The following SOX6 variants were observed in gnomAD, a reference collection of about 807,000 sequenced individuals.
SOX6 encodes transcription factor SOX-6.
Under a neutral mutation model 97.8 loss-of-function variants are expected in SOX6, and 11 were observed. The observed-to-expected ratio is 0.11, with a 90% CI of 0.07 to 0.19. The LOEUF (loss-of-function observed/expected upper bound fraction) is 0.19. Among genes scored for constraint, SOX6 ranks in the 10% least tolerant of loss-of-function variants. The probability of loss-of-function intolerance (pLI) is 1.00; values close to 1 mark genes in which losing one functional copy is unlikely to be tolerated. For synonymous variants in SOX6, 360 were observed against 371.4 expected (o/e 0.97, Z 0.35); for missense variants, 810 against 1,039.5 (o/e 0.78, Z 3.04).
chr11:16,224,869 C>T (rs2134162339), intron 4 of SOX6, among the ~76,000 whole-genome samples: 1 of 152,012 alleles, frequency 6.6e-6, no homozygotes, highest in South Asian at 2.1e-4. Context: ...TGATTTAGAG[C>T]AGTGACTTTT....
intron 6 of SOX6, among the ~76,000 whole-genome samples, chr11:16,155,320 C>G (rs1850569686): frequency 6.6e-6 from 1 of 152,092 alleles, no homozygotes; most frequent in Non-Finnish European, 1.5e-5. Context: ...TGACCTTGGA[C>G]AAATTATTTA....
At chr11:16,251,137 C>T (rs1217561048) in intron 3 of SOX6, among the ~76,000 whole-genome samples, 3 of 152,028 alleles carry the variant, frequency 2.0e-5, no homozygotes, top group East Asian at 1.9e-4. Context: ...TTTATGTCTG[C>T]TAATGCAGTT....
In SOX6 at chr11:16,605,549, A is replaced by G. The variant is rs1848324740; in HGVS notation, n.609+6532T>C. ...CGGTGTCCCGAAAAAGTTGCGGCGGAGCGGCGGTGGGGTGAGGGTGGGAGG... is the reference window on the plus strand; with the variant it reads ...CGGTGTCCCGAAAAAGTTGCGGCGGGGCGGCGGTGGGGTGAGGGTGGGAGG... On this transcript the variant is annotated intron_variant and non_coding_transcript_variant, in intron 4 of 5. Coordinates refer to the SOX6 transcript ENST00000524520. The surrounding 1 kb of genome is among the most constrained non-coding windows in gnomAD (Gnocchi z 5.3). Among the ~76,000 whole-genome samples, 3 of 151,892 alleles carry G rather than the reference A, an allele frequency of 2.0e-5. No homozygotes were observed. Among genetic ancestry groups the G allele is most frequent in the Admixed American group, 2.0e-4 (3 of 15,292 alleles).
At chr11:16,261,959 A>G (rs887025426) in intron 3 of SOX6, among the ~76,000 whole-genome samples, 1 of 152,068 alleles carries the variant, frequency 6.6e-6, no homozygotes, top group African/African-American at 2.4e-5. Flanking sequence ...AGAAAAAATG[A>G]AAACAAATTA....
rs549135905 is a variant in SOX6 at position 16,387,859 on chromosome 11, A to T, written c.-4-46607T>A. Among the ~76,000 whole-genome samples, 139 of 152,268 alleles carry T rather than the reference A, an allele frequency of 9.1e-4. 1 individual carries two copies. The highest frequency in any genetic ancestry group is 1.6e-3 in the Admixed American group (25 of 15,300). ...ACTTAATATATTAAAATACAAAAGA[A>T]ATCATCCTTGTATCACATGACTTTG... On this transcript the variant is annotated intron_variant, in intron 1 of 15. Coordinates refer to the SOX6 transcript ENST00000396356.
chr11:16,649,039 C>G (rs1849054110), intron 3 of SOX6, among the ~76,000 whole-genome samples: 1 of 151,652 alleles, frequency 6.6e-6, no homozygotes. Flanking sequence ...AAAGACAAGA[C>G]TTTTGAATTA....
intron 4 of SOX6, among the ~76,000 whole-genome samples, chr11:16,540,540 T>C (rs1364796222): frequency 5.3e-5 from 8 of 152,224 alleles, no homozygotes; most frequent in Non-Finnish European, 8.8e-5. Flanking sequence ...TGTCTCCGTT[T>C]GCACATAACA....
intron 10 of SOX6, among the ~76,000 whole-genome samples, chr11:16,051,172 C>G (rs1183766969): frequency 6.6e-6 from 1 of 152,008 alleles, no homozygotes; most frequent in African/African-American, 2.4e-5. Context: ...AAAATAAAAA[C>G]AGCATGCGCA....
intron 6 of SOX6, among the ~76,000 whole-genome samples, chr11:16,139,164 A>C (rs1850060314): frequency 6.6e-6 from 1 of 152,170 alleles, no homozygotes; most frequent in Admixed American, 6.5e-5. Context: ...TGAGTAATAT[A>C]GTATCTACCA....
intron 9 of SOX6, among the ~76,000 whole-genome samples, chr11:16,060,452 G>C (rs1381533593): frequency 2.6e-5 from 4 of 151,864 alleles, no homozygotes; most frequent in Non-Finnish European, 5.9e-5. Flanking sequence ...AGGATATCAG[G>C]TAAGATTTAG....
intron 4 of SOX6, among the ~76,000 whole-genome samples, chr11:16,563,945 G>A (rs1365427599): frequency 6.6e-6 from 1 of 152,124 alleles, no homozygotes; most frequent in Non-Finnish European, 1.5e-5. Flanking sequence ...AGAAAGAAGT[G>A]GCACAATATT....
At chr11:16,247,988 C>G (rs193302786) in intron 3 of SOX6, among the ~76,000 whole-genome samples, 1 of 152,180 alleles carries the variant, frequency 6.6e-6, no homozygotes, top group African/African-American at 2.4e-5. Context: ...GGGGTACAGA[C>G]ATTGGGTAAA....
intron 4 of SOX6, among the ~76,000 whole-genome samples, chr11:16,487,758 A>G (rs1271722352): frequency 6.6e-6 from 1 of 152,192 alleles, no homozygotes; most frequent in East Asian, 1.9e-4. Flanking sequence ...AAAGATGGTC[A>G]ATTTTAATCC....
intron 1 of SOX6, among the ~76,000 whole-genome samples, chr11:16,403,506 T>C (rs554974765): frequency 1.3e-5 from 2 of 151,842 alleles, no homozygotes; most frequent in African/African-American, 2.4e-5. Flanking sequence ...TTTATTGAAA[T>C]CCTTAGAAGC....
intron 3 of SOX6, among the ~76,000 whole-genome samples, chr11:16,652,507 T>G (rs1419914624): frequency 1.3e-5 from 2 of 151,946 alleles, no homozygotes; most frequent in Admixed American, 6.6e-5. Context: ...AAACATAAAG[T>G]GAGCAAAGGA....
In SOX6 at chr11:16,341,128, G is replaced by A. The variant is rs753386017; in HGVS notation, c.121C>T (p.Leu41=). The change falls in exon 2 of 16, where the codon CTG becomes TTG. Residue 41 remains leucine (L), a synonymous_variant. Coordinates refer to ENST00000683767, the MANE Select transcript of SOX6 (RefSeq NM_001367873.1). Reference sequence around the variant, plus strand: ...TTGTGCATTATGGGGTGCAGAGGCAGATGGGAGGCCACATGTTGATCACTG... The same window carrying A: ...TTGTGCATTATGGGGTGCAGAGGCAAATGGGAGGCCACATGTTGATCACTG... ...EGSDQHVASH[L]PLHPIMHNKP... 1.9e-6 allele frequency: 3 copies of A among 1,613,636 alleles called. No individual in the cohort carries two copies. The highest frequency in any genetic ancestry group is 1.7e-6 in the Non-Finnish European group (2 of 1,179,620).
chr11:16,651,357 T>C (rs961632393), intron 3 of SOX6, among the ~76,000 whole-genome samples: 2 of 152,006 alleles, frequency 1.3e-5, no homozygotes, highest in Non-Finnish European at 2.9e-5. Flanking sequence ...TTGATGAACA[T>C]AGATGCAAAA....
intron 9 of SOX6, among the ~76,000 whole-genome samples, chr11:16,087,977 A>G (rs914826052): frequency 6.7e-6 from 1 of 150,070 alleles, no homozygotes; most frequent in Non-Finnish European, 1.5e-5. Flanking sequence ...TGTCAACCAC[A>G]CCCTTGTGGG....
At chr11:16,731,847 A>T (rs1037955772) in intron 2 of SOX6, among the ~76,000 whole-genome samples, 1 of 152,158 alleles carries the variant, frequency 6.6e-6, no homozygotes, top group African/African-American at 2.4e-5. Context: ...GAAAACACCA[A>T]CATCTCAGCC....
Sources: gnomAD v4.1 joint callset for allele counts (sites outside exome capture counted in the v4.1 genomes callset) on GRCh38, gnomAD v4.1.1 for gene constraint, Gnocchi (gnomAD v3.1) non-coding constraint, MANE v1.5 for transcripts, NCBI Gene and HGNC (gene_info 2026-07-23, HGNC 2026-07-21) for gene names.